Variants in PCDH15 observed in about 807,000 individuals in gnomAD.
The protein encoded by PCDH15 is protocadherin related 15.
Under a neutral mutation model 178.5 loss-of-function variants are expected in PCDH15, and 129 were observed. The observed-to-expected ratio is 0.72, with a 90% CI of 0.63 to 0.84. The LOEUF is 0.84. PCDH15 is among the 40% of genes least tolerant of loss of function. PCDH15 has a pLI of 0.00. For synonymous variants in PCDH15, 800 were observed against 732.0 expected (o/e 1.09, Z -1.50); for missense variants, 2,230 against 2,099.9 (o/e 1.06, Z -1.21).
rs1393645553 is a variant in PCDH15 at position 54,909,615 on chromosome 10, C to T, written c.-79-12115G>A. Among the ~76,000 whole-genome samples, 3 of 152,044 alleles carry T rather than the reference C, an allele frequency of 2.0e-5. No individual in the cohort carries two copies. The East Asian group carries it at 5.8e-4, about 30-fold the overall frequency. ...GAGGCATTCCTGGGCCCTCAGAGTG[C>T]AAAGATTCCCTGGCCCATAGCTGCA... On this transcript the variant is annotated intron_variant, in intron 2 of 5. Transcript: ENST00000458638.
At chr10:54,806,338 C>T (rs1338652943) in intron 3 of PCDH15, among the ~76,000 whole-genome samples, 1 of 152,066 alleles carries the variant, frequency 6.6e-6, no homozygotes, top group Admixed American at 6.6e-5. Flanking sequence ...CAGTGTGAGT[C>T]AGAGGTCCAG....
intron 23 of PCDH15, among the ~76,000 whole-genome samples, chr10:53,946,316 T>C (rs777065818): frequency 2.0e-5 from 3 of 151,990 alleles, no homozygotes; most frequent in Non-Finnish European, 2.9e-5. Context: ...ACGGTGAGAG[T>C]TTTCCCTTAG....
intron 2 of PCDH15, among the ~76,000 whole-genome samples, chr10:54,549,079 C>T (rs1320793482): frequency 6.6e-6 from 1 of 151,558 alleles, no homozygotes; most frequent in Non-Finnish European, 1.5e-5. Flanking sequence ...ATTTATTTGG[C>T]TTCTTTCTTT....
At chr10:54,399,231 T>C (rs541286333) in intron 3 of PCDH15, among the ~76,000 whole-genome samples, 35 of 152,030 alleles carry the variant, frequency 2.3e-4, no homozygotes, top group African/African-American at 7.0e-4. Flanking sequence ...ACAACTTTTG[T>C]AGGACATGGA....
At chr10:54,201,234 A>G (rs2050200450) in intron 10 of PCDH15, among the ~76,000 whole-genome samples, 1 of 152,192 alleles carries the variant, frequency 6.6e-6, no homozygotes, top group South Asian at 2.1e-4. Context: ...CAGATTATAT[A>G]TGCCAAGAAA....
intron 18 of PCDH15, among the ~76,000 whole-genome samples, chr10:54,062,242 AAAAAAAAAAAC>A (rs1565158683): frequency 3.2e-5 from 4 of 124,752 alleles, no homozygotes; most frequent in Admixed American, 1.7e-4. Context: ...AAAAAAAAAA[AAAAAAAAAAAC>A]AAAAAACAAC....
intron 2 of PCDH15, among the ~76,000 whole-genome samples, chr10:55,000,448 T>C (rs1449670924): frequency 6.6e-6 from 1 of 152,248 alleles, no homozygotes; most frequent in Admixed American, 6.5e-5. Flanking sequence ...CTTGTTCTTT[T>C]TTCAAGGTGC....
intron 27 of PCDH15, among the ~76,000 whole-genome samples, chr10:53,863,075 C>A (rs1173942496): frequency 1.3e-5 from 2 of 152,048 alleles, no homozygotes; most frequent in African/African-American, 4.8e-5. Context: ...TAAATAAACA[C>A]CTTTTAAAAA....
intron 2 of PCDH15, among the ~76,000 whole-genome samples, chr10:55,064,331 T>A (rs1564762294): frequency 6.6e-6 from 1 of 152,088 alleles, no homozygotes. Flanking sequence ...TTCAACAGAT[T>A]TAATAGATTA....
At chr10:55,571,029 A>T (rs761485807) in intron 2 of PCDH15, among the ~76,000 whole-genome samples, 2 of 152,070 alleles carry the variant, frequency 1.3e-5, no homozygotes, top group Non-Finnish European at 2.9e-5. Flanking sequence ...TCTCATGTTG[A>T]ACTGTGATCC....
At chr10:54,598,035 T>G (rs1191539388) in intron 2 of PCDH15, among the ~76,000 whole-genome samples, 1 of 152,022 alleles carries the variant, frequency 6.6e-6, no homozygotes, top group African/African-American at 2.4e-5. Flanking sequence ...ATGAATTCAC[T>G]TCTGAATTCT....
intron 26 of PCDH15, among the ~76,000 whole-genome samples, chr10:53,874,224 C>T (rs1433400402): frequency 1.3e-5 from 2 of 152,094 alleles, no homozygotes; most frequent in East Asian, 3.9e-4. Context: ...CAAGCCTACT[C>T]ATGAAAGTGA....
chr10:53,930,682 T>C (rs761698246), intron 25 of PCDH15, among the ~76,000 whole-genome samples: 1 of 152,082 alleles, frequency 6.6e-6, no homozygotes, highest in African/African-American at 2.4e-5. Flanking sequence ...TATTTGAAAC[T>C]TACCAGATCA....
chr10:54,971,303 G>T (rs1838924453), intron 2 of PCDH15, among the ~76,000 whole-genome samples: 1 of 152,074 alleles, frequency 6.6e-6, no homozygotes. Context: ...CACATGAAAT[G>T]GCTGAGGGAA....
In PCDH15 at chr10:55,276,760, T is replaced by C. The variant is rs543224410; in HGVS notation, c.-156+42839A>G. On this transcript the variant is annotated intron_variant, in intron 1 of 5. Transcript: ENST00000458638. The stretch of plus-strand genomic sequence containing the variant: ...TTCTCAGGATCATTTGGTATAAAAT[T>C]GGACGCATTATTTCCTTAAATATAT... 4.9e-4 allele frequency among the ~76,000 whole-genome samples: 74 copies of C among 151,852 alleles called. 1 individual carries two copies. The highest frequency in any genetic ancestry group is 6.9e-4 in the Non-Finnish European group (47 of 67,868).
chr10:55,238,764 T>C, intron 1 of PCDH15, among the ~76,000 whole-genome samples: 1 of 152,116 alleles, frequency 6.6e-6, no homozygotes, highest in Non-Finnish European at 1.5e-5. Context: ...TATGTATCTA[T>C]GGAGTATATG....
intron 2 of PCDH15, among the ~76,000 whole-genome samples, chr10:54,970,690 T>C (rs1838910032): frequency 1.3e-5 from 2 of 152,162 alleles, no homozygotes; most frequent in African/African-American, 4.8e-5. Flanking sequence ...TCCTGCTCCA[T>C]GTTCCATCCT....
intron 3 of PCDH15, among the ~76,000 whole-genome samples, chr10:54,419,803 A>T (rs1217291155): frequency 1.3e-5 from 2 of 152,222 alleles, no homozygotes; most frequent in Non-Finnish European, 2.9e-5. Context: ...TTTAAAATAT[A>T]CTAAAAGCAG....
At chr10:55,319,848 G>C (rs775513398), upstream of PCDH15, among the ~76,000 whole-genome samples, 1 of 152,156 alleles carries the variant, frequency 6.6e-6, no homozygotes, top group Non-Finnish European at 1.5e-5. Flanking sequence ...AGCATCTGCA[G>C]TGGAGCATAG....
Sources: allele counts gnomAD v4.1 joint callset (sites outside exome capture counted in the v4.1 genomes callset), GRCh38; gene constraint gnomAD v4.1.1; transcripts MANE v1.5; gene names NCBI Gene and HGNC (gene_info 2026-07-23, HGNC 2026-07-21).